Variants in ATG2B observed in about 807,000 individuals in gnomAD.
The protein encoded by ATG2B is autophagy related 2B, also known as autophagy-related protein 2 homolog B.
Under a neutral mutation model 241.3 loss-of-function variants are expected in ATG2B, and 121 were observed. That is an observed-to-expected ratio of 0.50 (90% CI 0.43 to 0.58). The LOEUF (loss-of-function observed/expected upper bound fraction) is 0.58, where lower values mean the gene tolerates loss of function less well. Among genes scored for constraint, ATG2B ranks in the 20% least tolerant of loss-of-function variants. ATG2B has a pLI of 0.00. For synonymous variants in ATG2B, 858 were observed against 876.6 expected (o/e 0.98, Z 0.37); for missense variants, 2,306 against 2,491.6 (o/e 0.93, Z 1.59).
intron 21 of ATG2B, among the ~76,000 whole-genome samples, chr14:96,316,258 G>C (rs1887308104): frequency 6.6e-6 from 1 of 152,114 alleles, no homozygotes; most frequent in Non-Finnish European, 1.5e-5. Flanking sequence ...AATTGACTAT[G>C]GTGACGGTTG....
intron 29 of ATG2B, among the ~76,000 whole-genome samples, chr14:96,308,255 C>CGT (rs1566719789): frequency 2.0e-4 from 6 of 29,364 alleles, no homozygotes; most frequent in Non-Finnish European, 3.7e-4. Context: ...TATATATACA[C>CGT]ACATATATAT....
At chr14:96,320,704 C>T (rs1663380456) in intron 18 of ATG2B, among the ~76,000 whole-genome samples, 1 of 152,128 alleles carries the variant, frequency 6.6e-6, no homozygotes, top group South Asian at 2.1e-4. Flanking sequence ...AAGCAATCTG[C>T]TCAGTCAATG....
At chr14:96,299,878 T>C (rs562021263) in intron 34 of ATG2B, among the ~76,000 whole-genome samples, 7 of 152,330 alleles carry the variant, frequency 4.6e-5, no homozygotes, top group African/African-American at 1.7e-4. Context: ...CAAAGCATTA[T>C]CATTCACCAA....
At chr14:96,340,150 TATATATATCATATATGATATATATTCA>T (rs1566731619) in intron 6 of ATG2B, among the ~76,000 whole-genome samples, 1 of 55,906 alleles carries the variant, frequency 1.8e-5, no homozygotes, top group African/African-American at 9.0e-5. Context: ...TATATATGAA[TATATATATCATATATGATATATATTCA>T]CACACACGTA....
Position 96,287,334 on chromosome 14 carries a change from C to A in ATG2B, c.6007-1349G>T, listed in dbSNP as rs534945439. Reference sequence around the variant, plus strand: ...ACTTTAAAAACTATCTAGAGGATAACAGCCAATAAGAGAAACCATGAGCAC... The same window carrying A: ...ACTTTAAAAACTATCTAGAGGATAAAAGCCAATAAGAGAAACCATGAGCAC... On this transcript the variant is annotated intron_variant, in intron 41 of 41. Transcript: ENST00000359933. Among the ~76,000 whole-genome samples, 126 of 147,896 alleles carry A rather than the reference C, an allele frequency of 8.5e-4. 1 individual carries two copies. Among genetic ancestry groups the A allele is most frequent in the African/African-American group, 3.1e-3 (123 of 39,898 alleles).
chr14:96,318,967 C>T (rs940484522), intron 18 of ATG2B, among the ~76,000 whole-genome samples: 4 of 152,228 alleles, frequency 2.6e-5, no homozygotes, highest in African/African-American at 9.6e-5. Context: ...GTGCCTAGCA[C>T]AGTGGCTGTC....
intron 5 of ATG2B, 70 bp from the exon 6 acceptor site, chr14:96,341,771 A>C: frequency 1.7e-6 from 2 of 1,157,736 alleles, no homozygotes; most frequent in South Asian, 4.3e-5. Flanking sequence ...TAAAATATAA[A>C]TGTCAACTTA....
Position 96,302,046 on chromosome 14 carries a change from C to G in ATG2B, c.5100G>C (p.Leu1700Phe). Residue 1700 changes from leucine (L) to phenylalanine (F), a missense_variant, in exon 34 of 42, where the codon TTG becomes TTC. Leu to Phe is a conservative substitution (Grantham distance 22). Around this residue, in one of 2 missense-constraint regions of ATG2B, gnomAD observed 379 missense variants for 480.4 expected, o/e 0.79. Transcript: ENST00000359933. Reference sequence around the variant, plus strand: ...GGCGGAGCGGCATCAGCGACACTCTCAAGCAGCACTCCTGTGGGGACCTGC... The same window carrying G: ...GGCGGAGCGGCATCAGCGACACTCTGAAGCAGCACTCCTGTGGGGACCTGC... ...ESGRSPQECC[L>F]RVSLMPLRLN... The G allele has an allele frequency of 6.2e-7, 1 of 1,614,124 alleles. No homozygotes were observed. Among genetic ancestry groups the G allele is most frequent in the Non-Finnish European group, 8.5e-7 (1 of 1,180,010 alleles).
At position 96,361,012 on chromosome 14, in the gene ATG2B, G is replaced by T. The variant is rs567867862; in HGVS notation, c.162+1803C>A. Among the ~76,000 whole-genome samples the T allele has an allele frequency of 9.1e-4, 137 of 149,914 alleles. 1 individual carries two copies. Among genetic ancestry groups the T allele is most frequent in the South Asian group, 1.3e-3 (6 of 4,746 alleles). ...GAACTCTGAACAGCTGTATCTAAGG[G>T]TCACACTAAGATTTATCCTAACCAT... On this transcript the variant is annotated intron_variant, in intron 1 of 41. Coordinates refer to ENST00000359933, the MANE Select transcript of ATG2B (RefSeq NM_018036.7).
chr14:96,323,592 T>C (rs1566725364), intron 16 of ATG2B, among the ~76,000 whole-genome samples: 1 of 152,208 alleles, frequency 6.6e-6, no homozygotes, highest in Admixed American at 6.5e-5. Context: ...CTTATGAAAC[T>C]TGTGCTCTAA....
intron 34 of ATG2B, among the ~76,000 whole-genome samples, chr14:96,301,672 G>A (rs987584239): frequency 3.3e-5 from 5 of 152,186 alleles, no homozygotes; most frequent in African/African-American, 9.7e-5. Context: ...AGACAGAGCA[G>A]CATTCAATTC....
chr14:96,304,097 T>C (rs1001666060), intron 32 of ATG2B, among the ~76,000 whole-genome samples: 1 of 152,244 alleles, frequency 6.6e-6, no homozygotes, highest in Admixed American at 6.5e-5. Context: ...ACAAAGGACC[T>C]GCCAGATGCA....
Position 96,285,584 on chromosome 14 carries a change from G to A in ATG2B, c.*171C>T. 2 of 633,586 alleles carry A rather than the reference G, an allele frequency of 3.2e-6. No homozygotes were observed. The highest frequency in any genetic ancestry group is 2.9e-5 in the Admixed American group (1 of 34,062). The allele number at this position is 633,586 out of a possible 1,614,324, so 39.2% of individuals were successfully genotyped here. A position where few individuals can be genotyped will look rare whatever the true frequency, so the allele number is the denominator to read the frequency against. Reference sequence around the variant, plus strand: ...CTATAGGCAAGTATCAACTATAAATGTCAGAAGTTTTTGGTTGCATGTTGT... The same window carrying A: ...CTATAGGCAAGTATCAACTATAAATATCAGAAGTTTTTGGTTGCATGTTGT... On this transcript the variant is annotated 3_prime_UTR_variant, in exon 42 of 42. Transcript: ENST00000359933. This position sits in a 1 kb window ranked among gnomAD's most constrained non-coding sequence, Gnocchi z 4.2.
At chr14:96,320,655 A>C (rs1463892904) in intron 18 of ATG2B, among the ~76,000 whole-genome samples, 3 of 152,220 alleles carry the variant, frequency 2.0e-5, no homozygotes, top group Non-Finnish European at 4.4e-5. Flanking sequence ...TGAATGTTTA[A>C]GGTATGTATT....
At chr14:96,308,261 T>C (rs370384064) in intron 29 of ATG2B, among the ~76,000 whole-genome samples, 4 of 25,606 alleles carry the variant, frequency 1.6e-4, no homozygotes, top group East Asian at 5.4e-4. Context: ...TACACACATA[T>C]ATATATATAT....
chr14:96,307,551 G>GT (rs2139852960), intron 29 of ATG2B, among the ~76,000 whole-genome samples: 1 of 152,314 alleles, frequency 6.6e-6, no homozygotes, highest in South Asian at 2.1e-4. Context: ...GTTGAGTGGA[G>GT]TTTTGCTTTA....
intron 6 of ATG2B, among the ~76,000 whole-genome samples, chr14:96,336,483 T>C (rs1028915994): frequency 6.6e-6 from 1 of 152,228 alleles, no homozygotes; most frequent in African/African-American, 2.4e-5. Context: ...TACGCAGTTT[T>C]TCCACATGTT....
At chr14:96,353,532 A>T (rs574102476) in intron 1 of ATG2B, among the ~76,000 whole-genome samples, 1 of 152,186 alleles carries the variant, frequency 6.6e-6, no homozygotes, top group Admixed American at 6.5e-5. Context: ...AGGCTGAGGT[A>T]CGAGAATCGC....
At position 96,316,699 on chromosome 14, in the gene ATG2B, GA is replaced by G; in HGVS notation, c.3211-17del. 4 of 1,594,746 alleles carry G rather than the reference GA, an allele frequency of 2.5e-6. No individual in the cohort carries two copies. The highest frequency in any genetic ancestry group is 3.4e-6 in the Non-Finnish European group (4 of 1,172,566). ...CATTATCTTGCTAGTAAAAAGATCAGAAAAACACAGAAGTTATTACTTAAAT... is the reference window on the plus strand; with the variant it reads ...CATTATCTTGCTAGTAAAAAGATCAGAAAACACAGAAGTTATTACTTAAAT... On this transcript the variant is annotated splice_polypyrimidine_tract_variant and intron_variant, in intron 20 of 41. Coordinates refer to ENST00000359933, the MANE Select transcript of ATG2B (RefSeq NM_018036.7).
Sources: allele counts gnomAD v4.1 joint callset (sites outside exome capture counted in the v4.1 genomes callset), GRCh38; gene constraint gnomAD v4.1.1; regional missense constraint gnomAD v4.1.1; non-coding constraint Gnocchi (gnomAD v3.1); transcripts MANE v1.5; gene names NCBI Gene and HGNC (gene_info 2026-07-23, HGNC 2026-07-21).